SEMA3C: variants seen among roughly 807,000 people sequenced by gnomAD.
SEMA3C encodes the protein semaphorin 3C.
SEMA3C carries 47 observed loss-of-function variants against 89.4 expected under a neutral mutation model. The ratio of observed to expected loss-of-function variants is 0.53; its 90% CI spans 0.42 to 0.67. The LOEUF is 0.67. SEMA3C is among the 30% of genes least tolerant of loss of function. The pLI is 0.00. For synonymous variants in SEMA3C, 310 were observed against 320.2 expected, an observed-to-expected ratio of 0.97 and a Z score of 0.34; for missense variants, 839 against 929.1, an observed-to-expected ratio of 0.90 and a Z score of 1.26.
chr7:80,804,077 C>G, intron 8 of SEMA3C, 29 bp downstream of exon 8: 1 of 1,555,356 alleles, frequency 6.4e-7, no homozygotes, highest in Admixed American at 1.9e-5. Flanking sequence ...CTTGGTCTTT[C>G]TTCAAATCGG....
intron 2 of SEMA3C, among the ~76,000 whole-genome samples, chr7:80,874,182 A>G (rs1038576274): frequency 1.3e-5 from 2 of 152,110 alleles, no homozygotes; most frequent in African/African-American, 4.8e-5. Flanking sequence ...GAGGGCCTGA[A>G]CTCAACTGCT....
chr7:80,882,005 A>C (rs1240678168), intron 2 of SEMA3C, among the ~76,000 whole-genome samples: 1 of 152,226 alleles, frequency 6.6e-6, no homozygotes, highest in African/African-American at 2.4e-5. Flanking sequence ...AAACATAAAT[A>C]TCTCAAGTGA....
intron 4 of SEMA3C, among the ~76,000 whole-genome samples, chr7:80,825,867 CATT>C (rs1446373433): frequency 2.6e-5 from 4 of 152,156 alleles, no homozygotes; most frequent in Admixed American, 2.6e-4. Context: ...TTCTCTGCAA[CATT>C]ATACTTCATT....
At chr7:80,897,454 C>T (rs1439042118) in intron 2 of SEMA3C, among the ~76,000 whole-genome samples, 2 of 152,130 alleles carry the variant, frequency 1.3e-5, no homozygotes, top group African/African-American at 4.8e-5. Context: ...AGTCAACAGA[C>T]CACACTTGCC....
chr7:80,906,609 TAA>T (rs1792021119), intron 2 of SEMA3C, among the ~76,000 whole-genome samples: 1 of 152,200 alleles, frequency 6.6e-6, no homozygotes, highest in Non-Finnish European at 1.5e-5. Flanking sequence ...GTATATTTTA[TAA>T]GTCTCTAGTG....
At chr7:80,852,771 T>C (rs1554380619) in intron 2 of SEMA3C, among the ~76,000 whole-genome samples, 17 of 150,902 alleles carry the variant, frequency 1.1e-4, no homozygotes, top group Non-Finnish European at 2.5e-4. Context: ...CTCCGCCTCC[T>C]GGGTTCATGC....
rs143834638 is a variant in SEMA3C, at chr7:80,810,628, G to A, written c.521C>T (p.Thr174Met). 1.5e-5 allele frequency: 24 copies of A among 1,613,248 alleles called. No individual in the cohort carries two copies. Among genetic ancestry groups the A allele is most frequent in the Admixed American group, 5.0e-5 (3 of 59,976 alleles). ...GRCSFNPNVN[T>M]VSVMINEELF... Reference sequence around the variant, plus strand: ...CTACTTACTGATCATAACAGACACCGTGTTCACGTTGGGGTTGAAAGAGCA... The same window carrying A: ...CTACTTACTGATCATAACAGACACCATGTTCACGTTGGGGTTGAAAGAGCA... Residue 174 changes from threonine (T) to methionine (M), a missense_variant, in exon 6 of 18, where the codon ACG (threonine) becomes ATG (methionine). Physicochemically the swap from Thr to Met is moderately conservative, Grantham distance 81. Transcript: ENST00000265361.
At chr7:80,902,628 G>C (rs1363127832) in intron 2 of SEMA3C, among the ~76,000 whole-genome samples, 1 of 152,098 alleles carries the variant, frequency 6.6e-6, no homozygotes, top group African/African-American at 2.4e-5. Context: ...TAACATCAAT[G>C]ATTCATTTAA....
At chr7:80,883,908 A>C (rs1183644557) in intron 2 of SEMA3C, among the ~76,000 whole-genome samples, 1 of 152,228 alleles carries the variant, frequency 6.6e-6, no homozygotes, top group Non-Finnish European at 1.5e-5. Flanking sequence ...ACTTCCCACA[A>C]GAAATGTTTT....
chr7:80,798,279 T>C, intron 10 of SEMA3C, 43 bp from the exon 11 acceptor site: 1 of 1,344,336 alleles, frequency 7.4e-7, no homozygotes, highest in Non-Finnish European at 9.7e-7. Flanking sequence ...ATTTTTAAAA[T>C]TAAAATACAA....
At chr7:80,874,400 G>C (rs1196725017) in intron 2 of SEMA3C, among the ~76,000 whole-genome samples, 4 of 152,038 alleles carry the variant, frequency 2.6e-5, no homozygotes, top group African/African-American at 9.7e-5. Flanking sequence ...TACAGCAAGG[G>C]TACGACCTTT....
intron 2 of SEMA3C, among the ~76,000 whole-genome samples, chr7:80,887,384 G>A (rs1458218119): frequency 6.6e-6 from 1 of 152,084 alleles, no homozygotes; most frequent in Non-Finnish European, 1.5e-5. Context: ...TCTCTCATGA[G>A]TTTCTCTCAT....
At chr7:80,915,376 C>T (rs1207518948) in intron 2 of SEMA3C, among the ~76,000 whole-genome samples, 2 of 152,068 alleles carry the variant, frequency 1.3e-5, no homozygotes, top group Non-Finnish European at 1.5e-5. Flanking sequence ...ATGGCTCCTT[C>T]GGTGCTTATG....
intron 2 of SEMA3C, among the ~76,000 whole-genome samples, chr7:80,913,077 C>G (rs9641942): frequency 0.12 from 17,973 of 151,984 alleles, 1,916 homozygotes; most frequent in African/African-American, 0.28. Flanking sequence ...ATTCAGCACA[C>G]ACAAAAGGGA....
At chr7:80,840,463 G>A (rs568677512) in intron 2 of SEMA3C, among the ~76,000 whole-genome samples, 35 of 145,760 alleles carry the variant, frequency 2.4e-4, no homozygotes, top group African/African-American at 6.7e-4. Context: ...AAGCTGCAGC[G>A]AGCTGTGATT....
Position 80,918,925 on chromosome 7 carries a change from T to C in SEMA3C, c.-136A>G, listed in dbSNP as rs1792342992. 2 of 985,438 alleles carry C rather than the reference T, an allele frequency of 2.0e-6. No individual in the cohort carries two copies. The highest frequency in any genetic ancestry group is 6.1e-5 in the Admixed American group (1 of 16,292). The allele number at this position is 985,438 out of a possible 1,614,324, so 61.0% of individuals were successfully genotyped here. ...CCTTTTCCCAGACGACCTTATTTTCTAGCACGTCGCAAAGGTGAAATTCTT... is the reference window on the plus strand; with the variant it reads ...CCTTTTCCCAGACGACCTTATTTTCCAGCACGTCGCAAAGGTGAAATTCTT... On this transcript the variant is annotated 5_prime_UTR_variant, in exon 1 of 18. Transcript: ENST00000265361.
intron 11 of SEMA3C, among the ~76,000 whole-genome samples, chr7:80,792,129 T>A (rs1006155646): frequency 6.6e-6 from 1 of 152,210 alleles, no homozygotes; most frequent in Non-Finnish European, 1.5e-5. Flanking sequence ...TTTTATTTTT[T>A]AAAAAGTATT....
At chr7:80,784,572 A>T (rs547516759) in intron 12 of SEMA3C, among the ~76,000 whole-genome samples, 26 of 152,248 alleles carry the variant, frequency 1.7e-4, no homozygotes, top group South Asian at 1.2e-3. Context: ...TTAATTTTTT[A>T]AAAAATTTAC....
chr7:80,744,568 T>C lies in SEMA3C; in HGVS notation c.*326A>G. 1 of 338,010 alleles carries C rather than the reference T, an allele frequency of 3.0e-6. No individual in the cohort carries two copies. The highest frequency in any genetic ancestry group is 3.1e-5 in the South Asian group (1 of 32,502). 20.9% of individuals were successfully genotyped at this position (338,010 alleles called of 1,614,324 possible). A position where few individuals can be genotyped will look rare whatever the true frequency, so the allele number is the denominator to read the frequency against. ...AAGCAGGAAAGGAATACCACAGGGA[T>C]ATGGCCCTCATTCAATTGAGGGATG... On this transcript the variant is annotated 3_prime_UTR_variant, in exon 18 of 18. Coordinates refer to ENST00000265361, the MANE Select transcript of SEMA3C (RefSeq NM_006379.5).
Sources: gnomAD v4.1 joint callset for allele counts (sites outside exome capture counted in the v4.1 genomes callset) on GRCh38, gnomAD v4.1.1 for gene constraint, MANE v1.5 for transcripts, NCBI Gene and HGNC (gene_info 2026-07-23, HGNC 2026-07-21) for gene names.